The following BCAS3 variants were observed in gnomAD, a reference collection of about 807,000 sequenced individuals.
BCAS3 encodes the protein BCAS3 microtubule associated cell migration factor, also known as BCAS4/BCAS3 fusion.
In BCAS3, 53 loss-of-function variants were observed where a neutral mutation model predicts 116.1. The ratio of observed to expected loss-of-function variants is 0.46; its 90% CI spans 0.37 to 0.57. The LOEUF (loss-of-function observed/expected upper bound fraction) is 0.57. Among genes scored for constraint, BCAS3 ranks in the 20% least tolerant of loss-of-function variants. BCAS3 has a pLI of 0.00. For synonymous variants in BCAS3, 391 were observed against 408.2 expected (o/e 0.96, Z 0.51); for missense variants, 917 against 1,165.4 (o/e 0.79, Z 3.10).
rs2047678327 is a variant in BCAS3, at chr17:61,243,330, A to T, written c.2426-124997A>T. Among the ~76,000 whole-genome samples the T allele has an allele frequency of 6.6e-6, 1 of 152,212 alleles. No individual in the cohort carries two copies. The highest frequency in any genetic ancestry group is 2.1e-4 in the South Asian group (1 of 4,832). ...TCTTTCTTATTTAAAGCTGAGTAAT[A>T]TTCCATTGTGTCTATATACTATATT... On this transcript the variant is annotated intron_variant, in intron 22 of 23. Transcript: ENST00000407086. This position sits in a 1 kb window ranked among gnomAD's most constrained non-coding sequence, Gnocchi z 5.6.
rs1344770505 is a variant in BCAS3 at position 61,322,782 on chromosome 17, GAGAGAGAGAGAC to G, written c.2426-45533_2426-45522del. On this transcript the variant is annotated intron_variant, in intron 22 of 23. Coordinates refer to ENST00000407086, the MANE Select transcript of BCAS3 (RefSeq NM_017679.5). ...GTGTTGATATTTTTAAGCCTCTCTT[GAGAGAGAGAGAC>G]AGAGAGAGAGAGAGAGAGAGAGAGA... Among the ~76,000 whole-genome samples, 214 of 134,630 alleles carry G rather than the reference GAGAGAGAGAGAC, an allele frequency of 1.6e-3. 1 individual carries two copies. Among genetic ancestry groups the G allele is most frequent in the African/African-American group, 5.8e-3 (205 of 35,112 alleles). 88.3% of individuals were successfully genotyped at this position (134,630 alleles called of 152,430 possible).
intron 22 of BCAS3, among the ~76,000 whole-genome samples, chr17:61,308,972 A>G (rs561890007): frequency 8.5e-5 from 13 of 152,288 alleles, no homozygotes; most frequent in Admixed American, 5.2e-4. Context: ...GGAGAATATT[A>G]TATGTGTCTC....
chr17:61,110,250 C>G (rs897834197), intron 22 of BCAS3, among the ~76,000 whole-genome samples: 1 of 152,194 alleles, frequency 6.6e-6, no homozygotes, highest in Admixed American at 6.5e-5. Context: ...CCAAGATGGC[C>G]GAATAGGAAC....
chr17:61,193,468 G>A (rs1339480238), intron 22 of BCAS3, among the ~76,000 whole-genome samples: 1 of 151,736 alleles, frequency 6.6e-6, no homozygotes, highest in African/African-American at 2.4e-5. Context: ...ATATAAGACT[G>A]AATTTTTGGC....
chr17:61,238,764 C>T (rs2083263142), intron 22 of BCAS3, among the ~76,000 whole-genome samples: 1 of 152,022 alleles, frequency 6.6e-6, no homozygotes, highest in South Asian at 2.1e-4. Context: ...TGTTTTCTTT[C>T]CTGTCCTCTT....
In BCAS3 at chr17:61,186,860, G is replaced by A. The variant is rs562519209; in HGVS notation, c.2425+102296G>A. ...CAAGTAGCTGGGAGTACAGGCACCC[G>A]CCACCATGTCCAGCTAATTTTTTGT... is the stretch of plus-strand genomic sequence containing the variant. On this transcript the variant is annotated intron_variant, in intron 22 of 23. Coordinates refer to ENST00000407086, the MANE Select transcript of BCAS3 (RefSeq NM_017679.5). This position sits in a 1 kb window ranked among gnomAD's most constrained non-coding sequence, Gnocchi z 4.9. Among the ~76,000 whole-genome samples, 5 of 152,004 alleles carry A rather than the reference G, an allele frequency of 3.3e-5. No homozygotes were observed. Among genetic ancestry groups the A allele is most frequent in the East Asian group, 1.9e-4 (1 of 5,182 alleles).
intron 7 of BCAS3, among the ~76,000 whole-genome samples, chr17:60,864,920 T>C (rs1004423472): frequency 3.3e-5 from 5 of 152,200 alleles, no homozygotes; most frequent in African/African-American, 1.2e-4. Flanking sequence ...GACAGGAGAA[T>C]AGCTGGTAGG....
intron 22 of BCAS3, among the ~76,000 whole-genome samples, chr17:61,231,790 A>C (rs533203530): frequency 2.0e-5 from 3 of 149,680 alleles, no homozygotes; most frequent in Non-Finnish European, 4.4e-5. Context: ...AAGTGGGAGG[A>C]TCATTTGAGC....
At chr17:60,768,835 TG>T (rs2044367815) in intron 6 of BCAS3, among the ~76,000 whole-genome samples, 1 of 152,180 alleles carries the variant, frequency 6.6e-6, no homozygotes, top group Non-Finnish European at 1.5e-5. Flanking sequence ...GTCTGATTCT[TG>T]GGCCTCCAGA....
chr17:60,851,539 C>G (rs2053164364), intron 7 of BCAS3: 2 of 612,300 alleles, frequency 3.3e-6, no homozygotes, highest in Admixed American at 4.7e-5. Context: ...TAAAGCTCTA[C>G]ATGTTCTTCA....
At chr17:61,018,081 C>T (rs952074885) in intron 16 of BCAS3, among the ~76,000 whole-genome samples, 2 of 152,062 alleles carry the variant, frequency 1.3e-5, no homozygotes, top group Admixed American at 1.3e-4. Context: ...ATATTGTTTA[C>T]TAGGCTTTGT....
At chr17:60,710,713 G>A (rs933617431) in intron 5 of BCAS3, among the ~76,000 whole-genome samples, 18 of 151,862 alleles carry the variant, frequency 1.2e-4, no homozygotes, top group Admixed American at 3.3e-4. Context: ...TTACAGGTGT[G>A]AGCCACCATG....
At chr17:61,102,722 G>C (rs765883046) in intron 22 of BCAS3, among the ~76,000 whole-genome samples, 1 of 152,026 alleles carries the variant, frequency 6.6e-6, no homozygotes, top group Non-Finnish European at 1.5e-5. Context: ...ATGACCTTGA[G>C]TTTCTTTGTC....
chr17:60,857,171 A>G (rs747934091), intron 7 of BCAS3, among the ~76,000 whole-genome samples: 1 of 152,214 alleles, frequency 6.6e-6, no homozygotes, highest in Non-Finnish European at 1.5e-5. Flanking sequence ...ATAGTGTAAA[A>G]TGCCTTTACT....
Position 61,145,034 on chromosome 17 carries a change from TAAC to T in BCAS3, c.2425+60474_2425+60476del, listed in dbSNP as rs2077120219. On this transcript the variant is annotated intron_variant, in intron 22 of 23. Transcript: ENST00000407086. The surrounding 1 kb of genome is among the most constrained non-coding windows in gnomAD (Gnocchi z 5.0). ...GACCATAACAACTGTTAGAACAAGA[TAAC>T]AACTCCAGGCCAGCTGTCAAATGTT... Among the ~76,000 whole-genome samples, 1 of 152,218 alleles carries T rather than the reference TAAC, an allele frequency of 6.6e-6. No homozygotes were observed. The highest frequency in any genetic ancestry group is 2.4e-5 in the African/African-American group (1 of 41,456).
At chr17:60,731,199 G>A (rs1479800035) in intron 5 of BCAS3, among the ~76,000 whole-genome samples, 1 of 151,896 alleles carries the variant, frequency 6.6e-6, no homozygotes, top group Non-Finnish European at 1.5e-5. Flanking sequence ...AACTATACAC[G>A]TGTTTTTTTG....
intron 6 of BCAS3, among the ~76,000 whole-genome samples, chr17:60,772,126 G>A (rs1170826694): frequency 3.3e-5 from 5 of 152,196 alleles, no homozygotes; most frequent in East Asian, 1.9e-4. Flanking sequence ...TTGAGGAATC[G>A]CCACACTGTC....
Position 61,391,139 on chromosome 17 carries a change from T to C in BCAS3, c.2594-838T>C, listed in dbSNP as rs887057499. ...TTGGGTCAAGAGATGGTAGGACAATTGAGCGGCCCACAGCTGAATTAGATG... is the reference window on the plus strand; with the variant it reads ...TTGGGTCAAGAGATGGTAGGACAATCGAGCGGCCCACAGCTGAATTAGATG... On this transcript the variant is annotated intron_variant, in intron 23 of 23. Coordinates refer to ENST00000407086, the MANE Select transcript of BCAS3 (RefSeq NM_017679.5). This position sits in a 1 kb window ranked among gnomAD's most constrained non-coding sequence, Gnocchi z 7.7. 3.3e-5 allele frequency: 5 copies of C among 152,194 alleles called. No homozygotes were observed. The highest frequency in any genetic ancestry group is 6.5e-5 in the Admixed American group (1 of 15,284). 9.4% of individuals were successfully genotyped at this position (152,194 alleles called of 1,614,324 possible).
intron 19 of BCAS3, among the ~76,000 whole-genome samples, chr17:61,048,910 G>A (rs1265438751): frequency 2.6e-5 from 4 of 151,926 alleles, no homozygotes; most frequent in Non-Finnish European, 2.9e-5. Flanking sequence ...TATTCCATAT[G>A]TTCAAAAAGT....
Sources: gnomAD v4.1 joint callset for allele counts (sites outside exome capture counted in the v4.1 genomes callset) on GRCh38, gnomAD v4.1.1 for gene constraint, Gnocchi (gnomAD v3.1) non-coding constraint, MANE v1.5 for transcripts, NCBI Gene and HGNC (gene_info 2026-07-23, HGNC 2026-07-21) for gene names.